Variants in RCOR3 observed in about 807,000 individuals in gnomAD.
RCOR3 encodes the protein REST corepressor 3.
RCOR3 carries 13 observed loss-of-function variants against 64.1 expected under a neutral mutation model. The ratio of observed to expected loss-of-function variants is 0.20; its 90% CI spans 0.13 to 0.32. The LOEUF (loss-of-function observed/expected upper bound fraction) is 0.32. Among genes scored for constraint, RCOR3 ranks in the 10% least tolerant of loss-of-function variants. The pLI is 1.00. For synonymous variants in RCOR3, 215 were observed against 239.0 expected, an observed-to-expected ratio of 0.90 and a Z score of 0.93; for missense variants, 489 against 701.2, an observed-to-expected ratio of 0.70 and a Z score of 3.42.
intron 8 of RCOR3, among the ~76,000 whole-genome samples, chr1:211,292,767 C>T (rs989424608): frequency 1.3e-5 from 2 of 152,098 alleles, no homozygotes; most frequent in East Asian, 3.9e-4. Context: ...TCAATTCCCC[C>T]TAATTCTCCA....
intron 3 of RCOR3, among the ~76,000 whole-genome samples, chr1:211,273,011 A>G (rs1696455078): frequency 6.6e-6 from 1 of 152,220 alleles, no homozygotes; most frequent in Admixed American, 6.5e-5. Flanking sequence ...TTCAGCATAT[A>G]TTTAGACCTG....
At chr1:211,288,025 C>T (rs1468002537) in intron 7 of RCOR3, among the ~76,000 whole-genome samples, 2 of 151,948 alleles carry the variant, frequency 1.3e-5, no homozygotes, top group Non-Finnish European at 1.5e-5. Context: ...GCCTGGGCAA[C>T]ATGGTGAGAC....
chr1:211,261,640 C>T (rs1011497856), intron 2 of RCOR3, among the ~76,000 whole-genome samples: 23 of 152,114 alleles, frequency 1.5e-4, no homozygotes, highest in Non-Finnish European at 7.4e-5. Context: ...ACTGAATTCA[C>T]GCCAGGCGCG....
At chr1:211,300,346 AG>A (rs748249549) in intron 9 of RCOR3, among the ~76,000 whole-genome samples, 1 of 152,154 alleles carries the variant, frequency 6.6e-6, no homozygotes, top group Non-Finnish European at 1.5e-5. Context: ...CTAGGATTAC[AG>A]GTGTGAGCCA....
intron 7 of RCOR3, among the ~76,000 whole-genome samples, chr1:211,281,742 C>T (rs1697842131): frequency 6.6e-6 from 1 of 152,170 alleles, no homozygotes; most frequent in Admixed American, 6.5e-5. Context: ...TTCCTCACAA[C>T]TCTACAAGAT....
Position 211,316,311 on chromosome 1 carries a change from T to C in RCOR3, c.*2543T>C, listed in dbSNP as rs1021362710. 4 of 152,206 alleles carry C rather than the reference T, an allele frequency of 2.6e-5. No homozygotes were observed. Among genetic ancestry groups the C allele is most frequent in the Non-Finnish European group, 5.9e-5 (4 of 68,032 alleles). The allele number at this position is 152,206 out of a possible 1,614,324, so 9.4% of individuals were successfully genotyped here. A position where few individuals can be genotyped will look rare whatever the true frequency, so the allele number is the denominator to read the frequency against. On this transcript the variant is annotated 3_prime_UTR_variant, in exon 12 of 12. Coordinates refer to ENST00000419091, the MANE Select transcript of RCOR3 (RefSeq NM_001136223.3). ...TGGATGAGGTAAGAGTAAGTTATGA[T>C]CAAACTTTTTATGTTCTTAATAAGC...
intron 4 of RCOR3, among the ~76,000 whole-genome samples, chr1:211,275,297 T>C (rs1440260812): frequency 6.6e-6 from 1 of 152,066 alleles, no homozygotes; most frequent in African/African-American, 2.4e-5. Context: ...TTTTGTGAAA[T>C]TGAGATGTTT....
rs3767379 is a variant in RCOR3 at position 211,279,395 on chromosome 1, A to C, written c.720+79A>C. ...GAATGAACAGTACTTCGTATTAAGA[A>C]AAACTTTTTAATGTAATGCTTTATG... On this transcript the variant is annotated intron_variant, in intron 7 of 11. Transcript: ENST00000419091. The C allele has an allele frequency of 1.2e-5, 12 of 1,017,430 alleles. No individual in the cohort carries two copies. The East Asian group carries it at 2.7e-4, about 23-fold the overall frequency. The allele number at this position is 1,017,430 out of a possible 1,614,324, so 63.0% of individuals were successfully genotyped here.
At chr1:211,269,333 T>C (rs1695767721) in intron 2 of RCOR3, among the ~76,000 whole-genome samples, 1 of 151,762 alleles carries the variant, frequency 6.6e-6, no homozygotes, top group African/African-American at 2.4e-5. Context: ...CATGGTGGCG[T>C]GTTCCTGTAA....
chr1:211,272,612 CTTTTTTTTTTTTTTTT>C (rs768152573), intron 3 of RCOR3, among the ~76,000 whole-genome samples: 1 of 43,514 alleles, frequency 2.3e-5, no homozygotes, highest in African/African-American at 9.7e-5. Flanking sequence ...GGATGTCTTA[CTTTTTTTTTTTTTTTT>C]TTTTTTTTTT....
At chr1:211,264,033 G>T (rs1694802024) in intron 2 of RCOR3, among the ~76,000 whole-genome samples, 1 of 152,092 alleles carries the variant, frequency 6.6e-6, no homozygotes, top group Non-Finnish European at 1.5e-5. Flanking sequence ...ATGTTGGCCG[G>T]GCTAGTCTTG....
chr1:211,276,585 A>G (rs571051066), intron 5 of RCOR3, among the ~76,000 whole-genome samples, 167 bp downstream of exon 5: 2 of 152,340 alleles, frequency 1.3e-5, no homozygotes, highest in South Asian at 4.1e-4. Flanking sequence ...CCACTCTTAC[A>G]TGACAGTTAT....
At chr1:211,278,380 G>A in intron 6 of RCOR3, 139 bp downstream of exon 6, 2 of 963,312 alleles carry the variant, frequency 2.1e-6, no homozygotes, top group East Asian at 2.7e-5. Flanking sequence ...CTGACAAGAA[G>A]AGCCAAGTGG....
intron 7 of RCOR3, among the ~76,000 whole-genome samples, 160 bp from the exon 8 acceptor site, chr1:211,289,018 A>C (rs572907860): frequency 6.6e-6 from 1 of 151,838 alleles, no homozygotes; most frequent in Non-Finnish European, 1.5e-5. Flanking sequence ...GGTGAGTGTT[A>C]TGTGTGTGTG....
Position 211,313,190 on chromosome 1 carries a change from T to C in RCOR3, c.1317+229T>C. On this transcript the variant is annotated intron_variant, in intron 11 of 11. Transcript: ENST00000419091. The surrounding 1 kb of genome is among the most constrained non-coding windows in gnomAD (Gnocchi z 4.7). ...GTTCTTTCATAGTCTTATTTTTATT[T>C]TCAGTGTTAAGCTGTTTACAAATAA... is the stretch of plus-strand genomic sequence containing the variant. 7.0e-7 allele frequency: 1 copy of C among 1,434,310 alleles called. No individual in the cohort carries two copies. Among genetic ancestry groups the C allele is most frequent in the Admixed American group, 2.9e-5 (1 of 34,476 alleles). 88.8% of individuals were successfully genotyped at this position (1,434,310 alleles called of 1,614,324 possible).
At chr1:211,275,165 C>T (rs995264594) in intron 4 of RCOR3, among the ~76,000 whole-genome samples, 2 of 151,726 alleles carry the variant, frequency 1.3e-5, no homozygotes, top group African/African-American at 2.4e-5. Flanking sequence ...TTATTTCAAC[C>T]TTTATCAGAA....
chr1:211,276,181 A>G, intron 4 of RCOR3, 76 bp from the exon 5 acceptor site: 1 of 1,382,104 alleles, frequency 7.2e-7, no homozygotes, highest in Non-Finnish European at 1.0e-6. Context: ...ATTTTAATCT[A>G]ATTTGTGTTT....
chr1:211,276,930 C>T (rs916748756), intron 5 of RCOR3, among the ~76,000 whole-genome samples: 1 of 151,660 alleles, frequency 6.6e-6, no homozygotes, highest in Non-Finnish European at 1.5e-5. Context: ...ACTAAAAATA[C>T]AAAAAATTAG....
At chr1:211,270,281 T>G (rs935524150) in intron 2 of RCOR3, among the ~76,000 whole-genome samples, 2 of 152,142 alleles carry the variant, frequency 1.3e-5, no homozygotes. Context: ...CAGGCTAGTC[T>G]TGAACTCGTG....
Sources: gnomAD v4.1 joint callset for allele counts (sites outside exome capture counted in the v4.1 genomes callset) on GRCh38, gnomAD v4.1.1 for gene constraint, Gnocchi (gnomAD v3.1) non-coding constraint, MANE v1.5 for transcripts, NCBI Gene and HGNC (gene_info 2026-07-23, HGNC 2026-07-21) for gene names.